Variants in CHST8 observed in about 807,000 individuals in gnomAD.
CHST8 encodes carbohydrate sulfotransferase 8.
A neutral mutation model predicts 15.0 loss-of-function variants in CHST8; 10 were observed. The observed-to-expected ratio is 0.67, with a 90% CI of 0.41 to 1.13. CHST8 has a LOEUF of 1.13. CHST8 is among the 50% of genes most tolerant of loss of function. The pLI is 0.00. For missense variants in CHST8, 634 were observed against 608.2 expected, an observed-to-expected ratio of 1.04 and a Z score of -0.45; for synonymous variants, 259 against 256.6, an observed-to-expected ratio of 1.01 and a Z score of -0.09.
rs538246598 is a variant in CHST8, at chr19:33,669,084, G to A, written c.-87+1241G>A. On this transcript the variant is annotated intron_variant, in intron 2 of 4. Transcript: ENST00000650847. ...CAAAGGGCCCCCGCTAAGCAGAATC[G>A]TTCCCATCAGCCACAGGCACCAGTG... Among the ~76,000 whole-genome samples the A allele has an allele frequency of 1.2e-4, 19 of 152,254 alleles. No individual in the cohort carries two copies. The East Asian group carries it at 1.4e-3, about 11-fold the overall frequency.
rs1568315012 is a variant in CHST8, at chr19:33,650,507, CTTTTTCTTTTCT to C, written c.-163-17254_-163-17243del. Reference sequence around the variant, plus strand: ...TTTTTTTTCTTTTCTTTTTCTTTTTCTTTTTCTTTTCTTTTTTTTTTTTTTTTTTTTTTTTTT... The same window carrying C: ...TTTTTTTTCTTTTCTTTTTCTTTTTCTTTTTTTTTTTTTTTTTTTTTTTTT... On this transcript the variant is annotated intron_variant, in intron 1 of 4. Coordinates refer to ENST00000650847, the MANE Select transcript of CHST8 (RefSeq NM_001127895.2). Among the ~76,000 whole-genome samples the C allele has an allele frequency of 3.5e-3, 192 of 54,570 alleles. 1 individual carries two copies. Among genetic ancestry groups the C allele is most frequent in the Middle Eastern group, 0.015 (1 of 66 alleles). The allele number at this position is 54,570 out of a possible 152,430, so 35.8% of individuals were successfully genotyped here. A position where few individuals can be genotyped will look rare whatever the true frequency, so the allele number is the denominator to read the frequency against.
intron 3 of CHST8, among the ~76,000 whole-genome samples, chr19:33,706,010 T>A (rs1973438345): frequency 6.6e-6 from 1 of 152,228 alleles, no homozygotes; most frequent in Admixed American, 6.5e-5. Context: ...TACCCGTCTC[T>A]ATTTTATAGA....
intron 1 of CHST8, among the ~76,000 whole-genome samples, chr19:33,647,179 A>G (rs1170851461): frequency 1.3e-5 from 2 of 152,206 alleles, no homozygotes; most frequent in Admixed American, 1.3e-4. Context: ...GCAAATAGAG[A>G]CACAAAGAGG....
rs1568358532 is a variant in CHST8 at position 33,757,466 on chromosome 19, GAAAGAAAGAAA to G, written c.131-13946_131-13936del. 3.5e-4 allele frequency among the ~76,000 whole-genome samples: 14 copies of G among 39,646 alleles called. 1 individual carries two copies. Among genetic ancestry groups the G allele is most frequent in the Admixed American group, 1.1e-3 (4 of 3,788 alleles). The allele number at this position is 39,646 out of a possible 152,430, so 26.0% of individuals were successfully genotyped here. A position where few individuals can be genotyped will look rare whatever the true frequency, so the allele number is the denominator to read the frequency against. On this transcript the variant is annotated intron_variant, in intron 3 of 4. Transcript: ENST00000650847. ...AGAAAGAAAGAAAGAAAGAAAGAAA[GAAAGAAAGAAA>G]GAAAGAAAGAAAGAAAGAAAGAAAG...
intron 3 of CHST8, among the ~76,000 whole-genome samples, chr19:33,709,396 T>C (rs1057437091): frequency 2.6e-5 from 4 of 152,014 alleles, no homozygotes; most frequent in Admixed American, 2.0e-4. Context: ...TTGTCTTCTA[T>C]TACTAGTTTA....
intron 1 of CHST8, among the ~76,000 whole-genome samples, chr19:33,633,188 G>A (rs564264885): frequency 1.9e-4 from 29 of 152,266 alleles, no homozygotes; most frequent in Admixed American, 1.5e-3. Flanking sequence ...CCCATGTCTG[G>A]GTCAGCATCT....
chr19:33,686,721 G>A (rs925480178), intron 2 of CHST8, among the ~76,000 whole-genome samples: 3 of 152,192 alleles, frequency 2.0e-5, no homozygotes, highest in Non-Finnish European at 4.4e-5. Context: ...TCTGACTCAG[G>A]AGGCTGCAGG....
At chr19:33,724,255 C>T (rs1160015917) in intron 3 of CHST8, among the ~76,000 whole-genome samples, 2 of 152,204 alleles carry the variant, frequency 1.3e-5, no homozygotes, top group Non-Finnish European at 2.9e-5. Context: ...ACACCCTGCC[C>T]CACAGGCAGC....
chr19:33,626,617 G>A (rs903239452), intron 1 of CHST8, among the ~76,000 whole-genome samples: 11 of 152,060 alleles, frequency 7.2e-5, no homozygotes, highest in Non-Finnish European at 1.3e-4. Flanking sequence ...TTGTTAAAAA[G>A]AGCCTAGCAC....
At chr19:33,670,845 C>T (rs1280825403) in intron 2 of CHST8, among the ~76,000 whole-genome samples, 1 of 152,198 alleles carries the variant, frequency 6.6e-6, no homozygotes, top group African/African-American at 2.4e-5. Flanking sequence ...CCAGGCACTG[C>T]TCCCTTATTG....
intron 3 of CHST8, among the ~76,000 whole-genome samples, chr19:33,712,956 G>C (rs951368889): frequency 6.6e-6 from 1 of 152,134 alleles, no homozygotes; most frequent in Non-Finnish European, 1.5e-5. Context: ...GGGCTCATTT[G>C]TGGCTCCTCC....
chr19:33,706,627 G>T (rs554909512), intron 3 of CHST8, among the ~76,000 whole-genome samples: 1 of 152,148 alleles, frequency 6.6e-6, no homozygotes, highest in Non-Finnish European at 1.5e-5. Context: ...ATTCCAGCAG[G>T]CACTCAGCAA....
At chr19:33,673,621 C>G (rs992695838) in intron 2 of CHST8, among the ~76,000 whole-genome samples, 16 of 152,158 alleles carry the variant, frequency 1.1e-4, no homozygotes, top group Admixed American at 9.8e-4. Flanking sequence ...TGAAGGGTCC[C>G]AGGACGTGCA....
chr19:33,763,060 G>T (rs1266174204), intron 3 of CHST8, among the ~76,000 whole-genome samples: 2 of 152,016 alleles, frequency 1.3e-5, no homozygotes, highest in African/African-American at 4.8e-5. Flanking sequence ...GTAGAGACAG[G>T]GTTTCACCAC....
chr19:33,650,292 T>G (rs1972418425), intron 1 of CHST8, among the ~76,000 whole-genome samples: 1 of 152,068 alleles, frequency 6.6e-6, no homozygotes, highest in African/African-American at 2.4e-5. Flanking sequence ...GGGGACTGTT[T>G]ATTCAGTTGG....
chr19:33,737,113 C>T (rs1974102389), intron 3 of CHST8, among the ~76,000 whole-genome samples: 1 of 152,174 alleles, frequency 6.6e-6, no homozygotes, highest in Non-Finnish European at 1.5e-5. Context: ...CCAGGAACTC[C>T]CAGCTCCTTT....
chr19:33,721,535 T>C (rs1319902164), intron 3 of CHST8, among the ~76,000 whole-genome samples: 3 of 149,850 alleles, frequency 2.0e-5, no homozygotes, highest in East Asian at 2.0e-4. Context: ...GATGGATAGA[T>C]AGGTGGATGG....
intron 3 of CHST8, among the ~76,000 whole-genome samples, chr19:33,754,259 A>G: frequency 6.7e-6 from 1 of 149,766 alleles, no homozygotes; most frequent in Non-Finnish European, 1.5e-5. Flanking sequence ...GTGTGCTATG[A>G]GCTGGGCCTG....
rs541780438 is a variant in CHST8, at chr19:33,724,857, T to G, written c.130+35466T>G. ...GCACTGACAGAGCCTGCTCCAAGGG[T>G]GGACTGTGGCCCAGAGTGGGGGGCC... On this transcript the variant is annotated intron_variant, in intron 3 of 4. Transcript: ENST00000650847. Among the ~76,000 whole-genome samples the G allele has an allele frequency of 3.9e-5, 6 of 152,164 alleles. No individual in the cohort carries two copies. In the East Asian group the frequency reaches 9.7e-4, roughly 25 times the overall value.
Sources: allele counts gnomAD v4.1 joint callset (sites outside exome capture counted in the v4.1 genomes callset), GRCh38; gene constraint gnomAD v4.1.1; transcripts MANE v1.5; gene names NCBI Gene and HGNC (gene_info 2026-07-23, HGNC 2026-07-21).